Variants in CYB5A observed in about 807,000 individuals in gnomAD.
CYB5A encodes cytochrome b5 type A, also known as cytochrome b5.
CYB5A carries 10 observed loss-of-function variants against 16.2 expected under a neutral mutation model. The ratio of observed to expected loss-of-function variants is 0.62; its 90% CI spans 0.38 to 1.04. The LOEUF (loss-of-function observed/expected upper bound fraction) is 1.04. Ranked by LOEUF, CYB5A falls within the 50% of genes least tolerant of loss-of-function variation. The probability of loss-of-function intolerance (pLI) is 0.01; values close to 1 mark genes in which losing one functional copy is unlikely to be tolerated. For missense variants in CYB5A, 161 were observed against 165.9 expected (o/e 0.97, Z 0.16); for synonymous variants, 62 against 57.0 (o/e 1.09, Z -0.40).
chr18:74,266,123 G>A (rs1982423397), intron 1 of CYB5A, among the ~76,000 whole-genome samples: 1 of 152,234 alleles, frequency 6.6e-6, no homozygotes, highest in Non-Finnish European at 1.5e-5. Context: ...CACGTTAGAT[G>A]TGCAGACAAC....
At chr18:74,280,571 C>A (rs1983057563) in intron 1 of CYB5A, among the ~76,000 whole-genome samples, 1 of 143,646 alleles carries the variant, frequency 7.0e-6, no homozygotes, top group South Asian at 2.3e-4. Context: ...GAGTAAGACC[C>A]TGTCTCAAAA....
At position 74,253,525 on chromosome 18, in the gene CYB5A, G is replaced by A; in HGVS notation, c.*59C>T. On this transcript the variant is annotated 3_prime_UTR_variant, in exon 5 of 5. Coordinates refer to ENST00000340533, the MANE Select transcript of CYB5A (RefSeq NM_148923.4). ...TCTGTCAGTTGAAGTAGTTAGCAATGGCTTCTTTTCTCCCGTGTCCAAAGC... is the reference window on the plus strand; with the variant it reads ...TCTGTCAGTTGAAGTAGTTAGCAATAGCTTCTTTTCTCCCGTGTCCAAAGC... 2 of 1,065,328 alleles carry A rather than the reference G, an allele frequency of 1.9e-6. No homozygotes were observed. Among genetic ancestry groups the A allele is most frequent in the Non-Finnish European group, 2.9e-6 (2 of 687,044 alleles). 66.0% of individuals were successfully genotyped at this position (1,065,328 alleles called of 1,614,324 possible).
chr18:74,291,692 A>G, intron 1 of CYB5A, 55 bp downstream of exon 1: 1 of 1,611,428 alleles, frequency 6.2e-7, no homozygotes, highest in Non-Finnish European at 8.5e-7. Flanking sequence ...ATGCCAGTGA[A>G]CCCCCAAACC....
chr18:74,256,677 G>T, intron 3 of CYB5A: 1 of 711,386 alleles, frequency 1.4e-6, no homozygotes, highest in Non-Finnish European at 2.4e-6. Flanking sequence ...CAGATCTGCA[G>T]TTTCCCAAAG....
intron 1 of CYB5A, among the ~76,000 whole-genome samples, chr18:74,278,372 T>C (rs981194532): frequency 1.3e-5 from 2 of 152,218 alleles, no homozygotes; most frequent in African/African-American, 4.8e-5. Flanking sequence ...GCAGACTCCG[T>C]GGCAAGTAAG....
In CYB5A at chr18:74,272,774, T is replaced by C. The variant is rs184203271; in HGVS notation, c.130-9297A>G. Among the ~76,000 whole-genome samples the C allele has an allele frequency of 6.7e-3, 1,014 of 151,966 alleles. 18 individuals carry two copies. The highest frequency in any genetic ancestry group is 0.023 in the African/African-American group (963 of 41,446). ...GTCTCTACTAAAAATACAAAAATAT[T>C]AGCCAGGTGTAGTGGTGGGCGCCTG... On this transcript the variant is annotated intron_variant, in intron 1 of 4. Transcript: ENST00000340533.
At chr18:74,256,751 A>G (rs1599244923) in intron 3 of CYB5A, 2 of 1,319,954 alleles carry the variant, frequency 1.5e-6, no homozygotes, top group East Asian at 4.6e-5. Context: ...CACTCTGCAA[A>G]GCACGTTAGA....
chr18:74,280,147 G>A (rs1011782886), intron 1 of CYB5A, among the ~76,000 whole-genome samples: 1 of 152,182 alleles, frequency 6.6e-6, no homozygotes, highest in African/African-American at 2.4e-5. Context: ...GTACTCAAAG[G>A]AGGTGAGGCA....
At chr18:74,271,892 A>C (rs1982683853) in intron 1 of CYB5A, among the ~76,000 whole-genome samples, 1 of 152,212 alleles carries the variant, frequency 6.6e-6, no homozygotes, top group Non-Finnish European at 1.5e-5. Context: ...TGAGTCTCCT[A>C]TGACTCTGTG....
chr18:74,265,075 GGTCA>G (rs1219427787), intron 1 of CYB5A, among the ~76,000 whole-genome samples: 1 of 152,144 alleles, frequency 6.6e-6, no homozygotes. Flanking sequence ...AGTCGACTGT[GGTCA>G]GTCCTTAATT....
At chr18:74,256,071 A>T in intron 3 of CYB5A, 1 of 346,304 alleles carries the variant, frequency 2.9e-6, no homozygotes, top group South Asian at 3.6e-5. Flanking sequence ...TAAATAATGC[A>T]GAAACTGAAA....
chr18:74,291,540 T>A (rs565747072), intron 1 of CYB5A, among the ~76,000 whole-genome samples: 24 of 139,694 alleles, frequency 1.7e-4, no homozygotes, highest in African/African-American at 6.6e-4. Flanking sequence ...GTGTGCGGAC[T>A]TGGGGCGGTG....
chr18:74,269,904 C>T (rs2145059197), intron 1 of CYB5A, among the ~76,000 whole-genome samples: 1 of 152,256 alleles, frequency 6.6e-6, no homozygotes, highest in South Asian at 2.1e-4. Flanking sequence ...GGGAAAGGAT[C>T]ATGCTTGCGT....
chr18:74,285,168 T>C (rs1443399647), intron 1 of CYB5A, among the ~76,000 whole-genome samples: 1 of 152,214 alleles, frequency 6.6e-6, no homozygotes, highest in Non-Finnish European at 1.5e-5. Context: ...TGGAAAGCAC[T>C]GGTCTATGCA....
At chr18:74,283,289 A>G (rs1307206080) in intron 1 of CYB5A, among the ~76,000 whole-genome samples, 2 of 152,162 alleles carry the variant, frequency 1.3e-5, no homozygotes, top group African/African-American at 4.8e-5. Flanking sequence ...GTCATTTAAG[A>G]TGCCTTTCAC....
chr18:74,274,757 A>C (rs1982801321), intron 1 of CYB5A, among the ~76,000 whole-genome samples: 1 of 152,236 alleles, frequency 6.6e-6, no homozygotes, highest in East Asian at 1.9e-4. Flanking sequence ...GATTGTCTTA[A>C]GCTTGATACA....
chr18:74,254,621 A>G (rs13381967), intron 4 of CYB5A, among the ~76,000 whole-genome samples: 7,866 of 151,054 alleles, frequency 0.052, 475 homozygotes, highest in East Asian at 0.19. Flanking sequence ...CTGGGTTCAC[A>G]CCATTCTCCT....
intron 1 of CYB5A, among the ~76,000 whole-genome samples, chr18:74,268,292 A>G (rs763140531): frequency 6.6e-6 from 1 of 152,168 alleles, no homozygotes; most frequent in Admixed American, 6.5e-5. Context: ...GGCCCTGCTG[A>G]GCTGTACCAC....
In CYB5A at chr18:74,251,543, C is replaced by A; in HGVS notation, c.*2041G>T. The A allele has an allele frequency of 6.6e-6, 1 of 152,236 alleles. No homozygotes were observed. Among genetic ancestry groups the A allele is most frequent in the Non-Finnish European group, 1.5e-5 (1 of 68,030 alleles). The allele number at this position is 152,236 out of a possible 1,614,324, so 9.4% of individuals were successfully genotyped here. Reference sequence around the variant, plus strand: ...CTGAGTAGAATGGGAGGCAGGTTGGCCCTAAGCAGTTTCCAGCTTGAGTTT... The same window carrying A: ...CTGAGTAGAATGGGAGGCAGGTTGGACCTAAGCAGTTTCCAGCTTGAGTTT... On this transcript the variant is annotated 3_prime_UTR_variant, in exon 5 of 5. Transcript: ENST00000340533.
Sources: allele counts gnomAD v4.1 joint callset (sites outside exome capture counted in the v4.1 genomes callset), GRCh38; gene constraint gnomAD v4.1.1; transcripts MANE v1.5; gene names NCBI Gene and HGNC (gene_info 2026-07-23, HGNC 2026-07-21).